The following CHODL variants were observed in gnomAD, a reference collection of about 807,000 sequenced individuals.
CHODL encodes chondrolectin.
A neutral mutation model predicts 34.5 loss-of-function variants in CHODL; 29 were observed. That is an observed-to-expected ratio of 0.84 (90% CI 0.63 to 1.15). The LOEUF is 1.15. Ranked by LOEUF, CHODL falls within the 50% of genes most tolerant of loss-of-function variation. The pLI, the probability that CHODL is intolerant of heterozygous loss-of-function variation, is 0.00. For synonymous variants in CHODL, 125 were observed against 116.1 expected (o/e 1.08, Z -0.49); for missense variants, 332 against 332.5 (o/e 1.00, Z 0.01).
In CHODL at chr21:18,248,681, T is replaced by TA. The variant is rs1270266894; in HGVS notation, c.79+3380dup. 6.4e-3 allele frequency among the ~76,000 whole-genome samples: 795 copies of TA among 124,086 alleles called. 13 individuals carry two copies. Among genetic ancestry groups the TA allele is most frequent in the African/African-American group, 0.023 (713 of 30,712 alleles). The allele number at this position is 124,086 out of a possible 152,430, so 81.4% of individuals were successfully genotyped here. A position where few individuals can be genotyped will look rare whatever the true frequency, so the allele number is the denominator to read the frequency against. On this transcript the variant is annotated intron_variant, in intron 1 of 5. Coordinates refer to ENST00000299295, the MANE Select transcript of CHODL (RefSeq NM_024944.3). ...CATATATATGTATAATACATATATG[T>TA]ATATATTATATACATATATATGTAT...
At chr21:18,128,638 A>G (rs538900254) in intron 2 of CHODL, among the ~76,000 whole-genome samples, 2 of 152,266 alleles carry the variant, frequency 1.3e-5, no homozygotes, top group South Asian at 4.1e-4. Context: ...AAAATGATCA[A>G]TAAAATGTGT....
At chr21:18,245,793 C>T in intron 1 of CHODL, 1 of 854,378 alleles carries the variant, frequency 1.2e-6, no homozygotes, top group Non-Finnish European at 1.8e-6. Flanking sequence ...CCTCCGGATG[C>T]CTGGGCATTC....
intron 2 of CHODL, among the ~76,000 whole-genome samples, chr21:18,061,232 A>G (rs561806685): frequency 5.3e-5 from 8 of 152,332 alleles, no homozygotes; most frequent in Non-Finnish European, 1.2e-4. Flanking sequence ...CAAAATGTGT[A>G]TTTGTGGAAA....
At chr21:18,095,990 T>A (rs1250412599) in intron 2 of CHODL, among the ~76,000 whole-genome samples, 5 of 152,192 alleles carry the variant, frequency 3.3e-5, no homozygotes, top group African/African-American at 7.2e-5. Flanking sequence ...TCAGGGACCC[T>A]GAATGGAGGG....
At chr21:18,207,188 T>A (rs184886673) in intron 2 of CHODL, among the ~76,000 whole-genome samples, 1 of 151,858 alleles carries the variant, frequency 6.6e-6, no homozygotes, top group African/African-American at 2.4e-5. Flanking sequence ...TCCAGCTTCA[T>A]CTATGTCCCT....
chr21:18,239,537 A>G (rs903290719), intron 2 of CHODL, among the ~76,000 whole-genome samples: 1 of 151,988 alleles, frequency 6.6e-6, no homozygotes, highest in South Asian at 2.1e-4. Flanking sequence ...TTTCCTAGTC[A>G]TTTGATATAT....
chr21:18,192,571 C>A (rs955748502), intron 2 of CHODL, among the ~76,000 whole-genome samples: 2 of 152,126 alleles, frequency 1.3e-5, no homozygotes, highest in African/African-American at 4.8e-5. Flanking sequence ...AACACATTTA[C>A]ATAGGTTTAC....
At position 18,256,501 on chromosome 21, in the gene CHODL, T is replaced by TG. The variant is rs776174325; in HGVS notation, c.80-8_80-7insG. The TG allele has an allele frequency of 8.9e-6, 14 of 1,576,964 alleles. No homozygotes were observed. In the East Asian group the frequency reaches 3.1e-4, roughly 35 times the overall value. ...ATCAATATATGGGCATCTTTTTTTT[T>TG]TTTTCAGGCCAAAAGGTGTGTTTTG... On this transcript the variant is annotated splice_region_variant and splice_polypyrimidine_tract_variant and intron_variant, in intron 1 of 5. Coordinates refer to ENST00000299295, the MANE Select transcript of CHODL (RefSeq NM_024944.3).
rs1035281588 is a variant in CHODL at position 17,955,423 on chromosome 21, C to T, written c.-145+38023C>T. 8.0e-5 allele frequency among the ~76,000 whole-genome samples: 11 copies of T among 137,196 alleles called. 1 individual carries two copies. Among genetic ancestry groups the T allele is most frequent in the African/African-American group, 2.7e-4 (11 of 40,136 alleles). 90.0% of individuals were successfully genotyped at this position (137,196 alleles called of 152,430 possible). Reference sequence around the variant, plus strand: ...TAGATGTAAATACTGTACAATTGTTCTACTCCTTTCTCTTGAAATCTTACA... The same window carrying T: ...TAGATGTAAATACTGTACAATTGTTTTACTCCTTTCTCTTGAAATCTTACA... On this transcript the variant is annotated intron_variant, in intron 1 of 6. Transcript: ENST00000400127.
At chr21:18,093,492 A>C (rs952488847) in intron 2 of CHODL, among the ~76,000 whole-genome samples, 1 of 126,878 alleles carries the variant, frequency 7.9e-6, no homozygotes, top group Non-Finnish European at 2.0e-5. Flanking sequence ...AGAAAGAATA[A>C]ATTATGAACC....
At chr21:18,091,272 C>T (rs528266410) in intron 2 of CHODL, among the ~76,000 whole-genome samples, 15 of 152,286 alleles carry the variant, frequency 9.8e-5, no homozygotes, top group African/African-American at 2.4e-4. Flanking sequence ...GAAAAGCAGT[C>T]GAGGACACGT....
intron 2 of CHODL, among the ~76,000 whole-genome samples, chr21:18,075,151 C>A (rs1395235156): frequency 1.3e-5 from 2 of 152,102 alleles, no homozygotes; most frequent in African/African-American, 4.8e-5. Flanking sequence ...TCAGAAAATG[C>A]AGGAAATTCA....
At chr21:18,107,325 T>C (rs950960474) in intron 2 of CHODL, among the ~76,000 whole-genome samples, 3 of 152,206 alleles carry the variant, frequency 2.0e-5, no homozygotes, top group African/African-American at 7.2e-5. Context: ...GATAGCAGTC[T>C]GGCTGAACTT....
intron 1 of CHODL, among the ~76,000 whole-genome samples, chr21:17,966,095 C>T (rs1038599163): frequency 6.6e-6 from 1 of 151,856 alleles, no homozygotes; most frequent in Non-Finnish European, 1.5e-5. Context: ...GCAGAGGCAT[C>T]TGTCAGGTTC....
At chr21:18,087,684 C>A (rs2065024253) in intron 2 of CHODL, among the ~76,000 whole-genome samples, 1 of 152,088 alleles carries the variant, frequency 6.6e-6, no homozygotes, top group African/African-American at 2.4e-5. Context: ...CAGGGATCCT[C>A]CCAGGTAAGC....
chr21:18,060,358 T>G (rs2064644337), intron 2 of CHODL, among the ~76,000 whole-genome samples: 1 of 151,882 alleles, frequency 6.6e-6, no homozygotes, highest in Non-Finnish European at 1.5e-5. Flanking sequence ...GGGAGGCTGA[T>G]GCGGGAGGAT....
Position 18,220,737 on chromosome 21 carries a change from C to T in CHODL, c.-44-35772C>T, listed in dbSNP as rs976638121. Among the ~76,000 whole-genome samples, 9 of 151,440 alleles carry T rather than the reference C, an allele frequency of 5.9e-5. No homozygotes were observed. In the East Asian group the frequency reaches 1.7e-3, roughly 29 times the overall value. ...AGCACTTTGACTATATCATCCCATTCTCTTTCTGCTGAGATATCTGTGATT... is the reference window on the plus strand; with the variant it reads ...AGCACTTTGACTATATCATCCCATTTTCTTTCTGCTGAGATATCTGTGATT... On this transcript the variant is annotated intron_variant, in intron 2 of 6. Coordinates refer to the CHODL transcript ENST00000400127.
intron 1 of CHODL, among the ~76,000 whole-genome samples, chr21:17,932,306 C>A (rs1292396918): frequency 6.6e-6 from 1 of 152,088 alleles, no homozygotes; most frequent in Non-Finnish European, 1.5e-5. Context: ...TGAAAAACAG[C>A]AGATGTTTGT....
At chr21:18,019,432 AATAAT>A (rs2064106758) in intron 1 of CHODL, among the ~76,000 whole-genome samples, 1 of 138,484 alleles carries the variant, frequency 7.2e-6, no homozygotes, top group Non-Finnish European at 1.5e-5. Flanking sequence ...TAATATTAAA[AATAAT>A]TTATTTGTAC....
Sources: allele counts gnomAD v4.1 joint callset (sites outside exome capture counted in the v4.1 genomes callset), GRCh38; gene constraint gnomAD v4.1.1; transcripts MANE v1.5; gene names NCBI Gene and HGNC (gene_info 2026-07-23, HGNC 2026-07-21).